Variants in MTRR observed in about 807,000 individuals in gnomAD.
MTRR encodes methionine synthase reductase.
In MTRR, 63 loss-of-function variants were observed where a neutral mutation model predicts 79.2. The ratio of observed to expected loss-of-function variants is 0.80; its 90% CI spans 0.65 to 0.98. The LOEUF (loss-of-function observed/expected upper bound fraction) is 0.98. Ranked by LOEUF, MTRR falls within the 50% of genes least tolerant of loss-of-function variation. The pLI, the probability that MTRR is intolerant of heterozygous loss-of-function variation, is 0.00. For synonymous variants in MTRR, 355 were observed against 313.3 expected (o/e 1.13, Z -1.41); for missense variants, 895 against 839.6 (o/e 1.07, Z -0.82).
upstream of MTRR, chr5:7,865,954 G>A (rs544018328): frequency 2.1e-5 from 34 of 1,613,916 alleles, 1 homozygote; most frequent in Admixed American, 1.0e-4. Flanking sequence ...AGTTGTGCCC[G>A]ACTCAATGTG....
intron 2 of MTRR, chr5:7,862,725 C>A: frequency 9.4e-7 from 1 of 1,062,096 alleles, no homozygotes; most frequent in Non-Finnish European, 1.4e-6. Context: ...TTCCATTTTG[C>A]ATTTCCAGAG....
rs1487911748 is a variant in MTRR at position 7,896,922 on chromosome 5, G to C, written c.1735G>C (p.Gly579Arg). The C allele has an allele frequency of 6.2e-7, 1 of 1,613,694 alleles. No homozygotes were observed. The highest frequency in any genetic ancestry group is 1.3e-5 in the African/African-American group (1 of 74,770). The change falls in exon 13 of 15, where the codon GGC becomes CGC. Residue 579 changes from glycine to arginine, a missense_variant. Transcript: ENST00000440940. ...TTTTGGAGCAATGTGGTTGTTTTTTGGCTGCAGGCATAAGGATAGGGATTA... is the reference window on the plus strand; with the variant it reads ...TTTTGGAGCAATGTGGTTGTTTTTTCGCTGCAGGCATAAGGATAGGGATTA... ...GNFGAMWLFF[G>R]CRHKDRDYLF...
rs201615186 is a variant in MTRR at position 7,899,881 on chromosome 5, T to G, written c.1953-33T>G. ...GGAGGATTTACTAAAAATGCCTGTT[T>G]GTAAGCAGTCATCTTATTATTTTCT... On this transcript the variant is annotated intron_variant, in intron 14 of 14. Coordinates refer to ENST00000440940, the MANE Select transcript of MTRR (RefSeq NM_002454.3). The G allele has an allele frequency of 7.7e-5, 124 of 1,613,956 alleles. No individual in the cohort carries two copies. The South Asian group carries it at 1.3e-3, about 17-fold the overall frequency.
chr5:7,871,915 C>T (rs968553224), intron 2 of MTRR, among the ~76,000 whole-genome samples: 1 of 152,306 alleles, frequency 6.6e-6, no homozygotes, highest in Non-Finnish European at 1.5e-5. Flanking sequence ...CCAAAGCCAT[C>T]AGTATCATAA....
At chr5:7,867,509 G>C (rs1747068979), upstream of MTRR, 1 of 1,614,228 alleles carries the variant, frequency 6.2e-7, no homozygotes, top group Non-Finnish European at 8.5e-7. Flanking sequence ...GCTACTTTGA[G>C]GATCCACATG....
rs765288422 is a variant in MTRR, at chr5:7,897,107, TCTAA to T, written c.1813_1816del (p.Leu605ArgfsTer62). 1 of 1,614,166 alleles carries T rather than the reference TCTAA, an allele frequency of 6.2e-7. No individual in the cohort carries two copies. Among genetic ancestry groups the T allele is most frequent in the South Asian group, 1.1e-5 (1 of 91,090 alleles). On this transcript the variant is annotated frameshift_variant, in exon 14 of 15. Transcript: ENST00000440940. LOFTEE classifies it high-confidence loss of function. ...TCCTTAAGCATGGGATCTTAACTCA[TCTAA>T]AGGTTTCCTTCTCAAGAGATGCTCC...
chr5:7,883,112 A>G, intron 5 of MTRR, 43 bp from the exon 6 acceptor site: 3 of 1,613,858 alleles, frequency 1.9e-6, no homozygotes, highest in Non-Finnish European at 2.5e-6. Context: ...AGAAGGGTAT[A>G]ATTGAAAATT....
At chr5:7,891,945 G>C (rs945315109) in intron 10 of MTRR, among the ~76,000 whole-genome samples, 1 of 152,176 alleles carries the variant, frequency 6.6e-6, no homozygotes, top group African/African-American at 2.4e-5. Context: ...GGGAGGCTGA[G>C]GTGGGAGAAT....
intron 6 of MTRR, among the ~76,000 whole-genome samples, chr5:7,884,610 C>T (rs558994465): frequency 1.1e-4 from 16 of 152,070 alleles, no homozygotes; most frequent in Non-Finnish European, 1.8e-4. Context: ...TATATAGAAA[C>T]ATTTACGTAC....
chr5:7,890,202 T>C (rs892020188), intron 9 of MTRR: 13 of 942,096 alleles, frequency 1.4e-5, no homozygotes, highest in African/African-American at 1.8e-5. Context: ...CGATGCCCAG[T>C]ACAATTAAAG....
intron 11 of MTRR, among the ~76,000 whole-genome samples, chr5:7,894,628 A>G (rs1332863221): frequency 6.6e-6 from 1 of 152,212 alleles, no homozygotes; most frequent in Non-Finnish European, 1.5e-5. Context: ...GTCTCATTGT[A>G]GACATGGGCC....
chr5:7,866,032 T>C (rs745369244), upstream of MTRR: 1 of 1,247,578 alleles, frequency 8.0e-7, no homozygotes, highest in South Asian at 1.4e-5. Context: ...TTGAGGTATG[T>C]ATGAGAGAAC....
intron 1 of MTRR, among the ~76,000 whole-genome samples, chr5:7,860,328 C>T (rs904133636): frequency 6.6e-6 from 1 of 152,170 alleles, no homozygotes; most frequent in Non-Finnish European, 1.5e-5. Context: ...CACATAAGAC[C>T]TTCTTACATT....
At chr5:7,857,641 T>C (rs914304629) in intron 1 of MTRR, among the ~76,000 whole-genome samples, 1 of 152,210 alleles carries the variant, frequency 6.6e-6, no homozygotes, top group African/African-American at 2.4e-5. Context: ...CCCAGAGCCT[T>C]GACTGTGTGT....
upstream of MTRR, chr5:7,866,774 A>G: frequency 4.3e-6 from 7 of 1,614,164 alleles, no homozygotes; most frequent in Non-Finnish European, 5.9e-6. Context: ...GAAATGAGTG[A>G]ATAGCACGTT....
At chr5:7,866,994 G>A (rs1747004286), upstream of MTRR, 4 of 1,614,146 alleles carry the variant, frequency 2.5e-6, no homozygotes, top group Non-Finnish European at 3.4e-6. Context: ...TCCAACGTGA[G>A]GCACACCGCA....
At chr5:7,899,666 G>A (rs574793260) in intron 14 of MTRR, among the ~76,000 whole-genome samples, 2 of 152,120 alleles carry the variant, frequency 1.3e-5, no homozygotes, top group African/African-American at 2.4e-5. Context: ...GCCTACTGTC[G>A]GGACCTGGAG....
At chr5:7,861,897 G>A (rs1746574365) in intron 1 of MTRR, 1 of 552,226 alleles carries the variant, frequency 1.8e-6, no homozygotes, top group South Asian at 4.7e-5. Flanking sequence ...GGGTTCTGAA[G>A]TTATCTGGGG....
At chr5:7,858,248 A>G (rs775024696) in intron 1 of MTRR, among the ~76,000 whole-genome samples, 55 of 152,282 alleles carry the variant, frequency 3.6e-4, no homozygotes, top group South Asian at 1.0e-3. Context: ...CTGAGGCCTG[A>G]TATGATCTGG....
Sources: allele counts gnomAD v4.1 joint callset (sites outside exome capture counted in the v4.1 genomes callset), GRCh38; gene constraint gnomAD v4.1.1; transcripts MANE v1.5; gene names NCBI Gene and HGNC (gene_info 2026-07-23, HGNC 2026-07-21).